The following DIP2B variants were observed in gnomAD, a reference collection of about 807,000 sequenced individuals.
DIP2B encodes the protein disco-interacting protein 2 homolog B.
A neutral mutation model predicts 198.0 loss-of-function variants in DIP2B; 76 were observed. The observed-to-expected ratio is 0.38, with a 90% CI of 0.32 to 0.46. The LOEUF is 0.46. DIP2B is among the 20% of genes least tolerant of loss of function. The pLI, the probability that DIP2B is intolerant of heterozygous loss-of-function variation, is 0.99. For synonymous variants in DIP2B, 701 were observed against 739.1 expected, an observed-to-expected ratio of 0.95 and a Z score of 0.84; for missense variants, 1,559 against 1,978.4, an observed-to-expected ratio of 0.79 and a Z score of 4.02.
Position 50,675,313 on chromosome 12 carries a change from A to G in DIP2B, c.797-16A>G. 6.2e-7 allele frequency: 1 copy of G among 1,608,006 alleles called. No homozygotes were observed. Among genetic ancestry groups the G allele is most frequent in the African/African-American group, 1.3e-5 (1 of 74,802 alleles). ...ACAGTCAATGAATTTTAACTTAACC[A>G]TTTTTTCCCTTATAGGTGTTCCTGT... On this transcript the variant is annotated splice_polypyrimidine_tract_variant and intron_variant, in intron 6 of 37. Transcript: ENST00000301180.
At chr12:50,683,273 A>G (rs776558777) in intron 10 of DIP2B, 25 bp downstream of exon 10, 1 of 1,573,140 alleles carries the variant, frequency 6.4e-7, no homozygotes, top group African/African-American at 1.4e-5. Flanking sequence ...TTTAAGAGGA[A>G]TGTAGCCTGA....
Position 50,714,417 on chromosome 12 carries a change from T to A in DIP2B, c.2672T>A (p.Val891Glu). ...TAGGCGATCGATAGCATTCATCAAGTGGGGGTTTATTGTCTTGCTCTGGTG... is the reference window on the plus strand; with the variant it reads ...TAGGCGATCGATAGCATTCATCAAGAGGGGGTTTATTGTCTTGCTCTGGTG... The part of the protein sequence containing the change: ...VLQAIDSIHQ[V>E]GVYCLALVPA... Residue 891 changes from valine (V) to glutamate (E), a missense_variant, in exon 23 of 38, where the codon GTG becomes GAG. Val to Glu is a moderately radical substitution (Grantham distance 121, BLOSUM62 -2). Transcript: ENST00000301180. 6.2e-7 allele frequency: 1 copy of A among 1,614,236 alleles called. No homozygotes were observed. Among genetic ancestry groups the A allele is most frequent in the Non-Finnish European group, 8.5e-7 (1 of 1,180,044 alleles).
chr12:50,658,569 C>CT (rs1441587268), intron 3 of DIP2B, among the ~76,000 whole-genome samples: 1 of 151,964 alleles, frequency 6.6e-6, no homozygotes, highest in Non-Finnish European at 1.5e-5. Flanking sequence ...GTAATTAATT[C>CT]TAAGAAAATA....
chr12:50,555,374 C>T (rs1958461564), intron 1 of DIP2B, among the ~76,000 whole-genome samples: 1 of 152,158 alleles, frequency 6.6e-6, no homozygotes, highest in Non-Finnish European at 1.5e-5. Flanking sequence ...CTGTGTTTGC[C>T]ACTTAGGATT....
intron 1 of DIP2B, among the ~76,000 whole-genome samples, chr12:50,506,674 G>A (rs1041817436): frequency 6.6e-6 from 1 of 152,012 alleles, no homozygotes; most frequent in Non-Finnish European, 1.5e-5. Context: ...GAATCCTCTG[G>A]GTTTGTCTGC....
At chr12:50,732,817 C>A (rs1433850649) in intron 32 of DIP2B, among the ~76,000 whole-genome samples, 1 of 152,214 alleles carries the variant, frequency 6.6e-6, no homozygotes, top group African/African-American at 2.4e-5. Flanking sequence ...TTGGTGTTTA[C>A]TTGAGTCATC....
chr12:50,694,086 G>A (rs774766763), intron 14 of DIP2B, among the ~76,000 whole-genome samples: 4 of 152,076 alleles, frequency 2.6e-5, no homozygotes, highest in East Asian at 1.9e-4. Context: ...GGGACATTTC[G>A]ATTTCTTGCT....
chr12:50,576,365 C>CCT (rs72377071), intron 1 of DIP2B, among the ~76,000 whole-genome samples: 20,927 of 51,558 alleles, frequency 0.41, 2,960 homozygotes, highest in East Asian at 0.61. Context: ...CTGCACCCAG[C>CCT]ATTTTTTTTT....
intron 1 of DIP2B, among the ~76,000 whole-genome samples, chr12:50,612,445 T>C (rs947718925): frequency 1.3e-5 from 2 of 151,786 alleles, no homozygotes; most frequent in Non-Finnish European, 2.9e-5. Context: ...TTTTTTTTTT[T>C]TTGAGACAGT....
At chr12:50,742,501 T>C (rs1397867238) in intron 37 of DIP2B, among the ~76,000 whole-genome samples, 2 of 151,598 alleles carry the variant, frequency 1.3e-5, no homozygotes, top group Non-Finnish European at 2.9e-5. Context: ...TGTTTCTACC[T>C]ATTTTAGTGA....
intron 1 of DIP2B, among the ~76,000 whole-genome samples, chr12:50,567,848 A>G (rs908086504): frequency 2.0e-5 from 3 of 151,994 alleles, no homozygotes; most frequent in Admixed American, 6.6e-5. Flanking sequence ...TGATAATTCT[A>G]TTATCTGTTT....
intron 16 of DIP2B, among the ~76,000 whole-genome samples, chr12:50,696,400 T>C (rs1019809129): frequency 3.9e-5 from 6 of 152,242 alleles, no homozygotes; most frequent in Non-Finnish European, 7.3e-5. Flanking sequence ...CAGGAAATCG[T>C]CCATTGTATA....
rs1939301767 is a variant in DIP2B at position 50,695,849 on chromosome 12, C to CTT, written c.1815_1816insTT (p.Lys606LeufsTer3). 6.2e-7 allele frequency: 1 copy of CTT among 1,613,778 alleles called. No individual in the cohort carries two copies. Among genetic ancestry groups the CTT allele is most frequent in the South Asian group, 1.1e-5 (1 of 91,058 alleles). On this transcript the variant is annotated frameshift_variant and splice_region_variant, in exon 16 of 38. Coordinates refer to ENST00000301180, the MANE Select transcript of DIP2B (RefSeq NM_173602.3). LOFTEE classifies it high-confidence loss of function. Reference sequence around the variant, plus strand: ...ACTTCATCCTTTTTGAATTTATAGCCAAGGTAGCTTTAGTAAAATGTCGGG... The same window carrying CTT: ...ACTTCATCCTTTTTGAATTTATAGCCTTAAGGTAGCTTTAGTAAAATGTCGGG...
At chr12:50,532,882 A>G (rs955496014) in intron 1 of DIP2B, among the ~76,000 whole-genome samples, 2 of 152,172 alleles carry the variant, frequency 1.3e-5, no homozygotes, top group African/African-American at 4.8e-5. Flanking sequence ...AACGCAGAGA[A>G]ACTTAAGCCT....
Position 50,746,959 on chromosome 12 carries a change from G to A in DIP2B, c.*2120G>A, listed in dbSNP as rs184789562. 6.6e-6 allele frequency: 1 copy of A among 152,190 alleles called. No individual in the cohort carries two copies. Among genetic ancestry groups the A allele is most frequent in the African/African-American group, 2.4e-5 (1 of 41,526 alleles). The allele number at this position is 152,190 out of a possible 1,614,324, so 9.4% of individuals were successfully genotyped here. On this transcript the variant is annotated 3_prime_UTR_variant, in exon 38 of 38. Transcript: ENST00000301180. ...CTGTCCACTGTAAATACTATAATGA[G>A]AGCCACATCTGTAATTTAAATGTTT...
chr12:50,621,803 A>G (rs559355430), intron 1 of DIP2B, among the ~76,000 whole-genome samples: 2 of 152,324 alleles, frequency 1.3e-5, no homozygotes, highest in East Asian at 3.9e-4. Flanking sequence ...TAGGCCTAGC[A>G]TTGTAGTCCT....
At chr12:50,652,629 A>C (rs1041169242) in intron 3 of DIP2B, among the ~76,000 whole-genome samples, 1 of 152,146 alleles carries the variant, frequency 6.6e-6, no homozygotes, top group Non-Finnish European at 1.5e-5. Flanking sequence ...TAAAAAGTTT[A>C]GAATTGTTTT....
chr12:50,587,451 C>G (rs1369153847), intron 1 of DIP2B, among the ~76,000 whole-genome samples: 2 of 152,188 alleles, frequency 1.3e-5, no homozygotes, highest in African/African-American at 4.8e-5. Flanking sequence ...CCTGCGCTTA[C>G]TAAAGGTTAC....
In DIP2B at chr12:50,675,072, A is replaced by G. The variant is rs563376857; in HGVS notation, c.797-257A>G. Among the ~76,000 whole-genome samples the G allele has an allele frequency of 4.1e-4, 63 of 152,336 alleles. No homozygotes were observed. In the South Asian group the frequency reaches 4.1e-3, roughly 10 times the overall value. On this transcript the variant is annotated intron_variant, in intron 6 of 37. Transcript: ENST00000301180. ...CCACTGCACTCCAGCCTGGGGTGAC[A>G]GAGCGAGACTCCATCTCAAAAAAAG...
Sources: gnomAD v4.1 joint callset for allele counts (sites outside exome capture counted in the v4.1 genomes callset) on GRCh38, gnomAD v4.1.1 for gene constraint, MANE v1.5 for transcripts, NCBI Gene and HGNC (gene_info 2026-07-23, HGNC 2026-07-21) for gene names.